Variants in ZNHIT6 observed in about 807,000 individuals in gnomAD.
ZNHIT6 encodes the protein zinc finger HIT-type containing 6.
In ZNHIT6, 45 loss-of-function variants were observed where a neutral mutation model predicts 57.2. The observed-to-expected ratio is 0.79, with a 90% CI of 0.62 to 1.01. The LOEUF (loss-of-function observed/expected upper bound fraction) is 1.01. Among genes scored for constraint, ZNHIT6 ranks in the 50% least tolerant of loss-of-function variants. The pLI is 0.00. For synonymous variants in ZNHIT6, 188 were observed against 190.0 expected (o/e 0.99, Z 0.09); for missense variants, 528 against 567.3 (o/e 0.93, Z 0.70).
At chr1:85,676,889 T>C (rs1017628171) in intron 8 of ZNHIT6, among the ~76,000 whole-genome samples, 2 of 152,234 alleles carry the variant, frequency 1.3e-5, no homozygotes, top group African/African-American at 2.4e-5. Context: ...CTGGTGCAGA[T>C]AGACTTGCTC....
intron 5 of ZNHIT6, among the ~76,000 whole-genome samples, chr1:85,692,314 A>G (rs1324364902): frequency 6.6e-6 from 1 of 152,194 alleles, no homozygotes; most frequent in East Asian, 1.9e-4. Context: ...ATTTCTATGA[A>G]TGCTGGCTAA....
intron 6 of ZNHIT6, 81 bp from the exon 7 acceptor site, chr1:85,678,862 A>G (rs1254476122): frequency 2.1e-5 from 16 of 770,276 alleles, no homozygotes; most frequent in Non-Finnish European, 1.4e-5. Context: ...ATTATTAAAT[A>G]TTGTGGCTTT....
chr1:85,707,605 T>G (rs1172246815), intron 1 of ZNHIT6, 24 bp downstream of exon 1: 1 of 1,528,460 alleles, frequency 6.5e-7, no homozygotes, highest in Non-Finnish European at 8.7e-7. Context: ...TTTATTCCCC[T>G]AAATGGAATC....
At chr1:85,657,683 C>G (rs1367191479) in intron 9 of ZNHIT6, among the ~76,000 whole-genome samples, 164 bp downstream of exon 9, 1 of 152,116 alleles carries the variant, frequency 6.6e-6, no homozygotes, top group African/African-American at 2.4e-5. Context: ...AGAAGAGTAG[C>G]AGCATTGCAT....
rs34953954 is a variant in ZNHIT6, at chr1:85,678,794, GA to G, written c.1089-14del. 1.5e-3 allele frequency: 1,985 copies of G among 1,346,158 alleles called. 18 individuals are homozygous for G. The African/African-American group carries it at 0.026, about 18-fold the overall frequency. The allele number at this position is 1,346,158 out of a possible 1,614,324, so 83.4% of individuals were successfully genotyped here. ...ATCATCTGGTACTCTTTACAACAAA[GA>G]AAAAAAAACAAGCTATATTAGTATT... On this transcript the variant is annotated splice_polypyrimidine_tract_variant and intron_variant, in intron 6 of 9. Transcript: ENST00000370574.
At chr1:85,704,240 T>A (rs1373207423) in intron 4 of ZNHIT6, among the ~76,000 whole-genome samples, 3 of 152,206 alleles carry the variant, frequency 2.0e-5, no homozygotes, top group African/African-American at 7.2e-5. Flanking sequence ...AAGATATGCA[T>A]ACCACACAAC....
chr1:85,657,380 C>T (rs1661088188), intron 9 of ZNHIT6, among the ~76,000 whole-genome samples: 1 of 147,920 alleles, frequency 6.8e-6, no homozygotes, highest in Non-Finnish European at 1.5e-5. Context: ...ATGTTCCTTG[C>T]AACATTTTCT....
intron 8 of ZNHIT6, among the ~76,000 whole-genome samples, chr1:85,662,167 A>C (rs1049642034): frequency 6.6e-6 from 1 of 151,322 alleles, no homozygotes; most frequent in Non-Finnish European, 1.5e-5. Context: ...AAAAAAAAAA[A>C]AAAACCTCCT....
At chr1:85,702,399 T>C (rs1274765562) in intron 4 of ZNHIT6, 139 bp from the exon 5 acceptor site, 4 of 604,326 alleles carry the variant, frequency 6.6e-6, no homozygotes, top group Admixed American at 3.2e-5. Flanking sequence ...TCTCATGTAA[T>C]CTTCACCATG....
At chr1:85,697,749 T>C (rs1662417808) in intron 5 of ZNHIT6, among the ~76,000 whole-genome samples, 1 of 152,184 alleles carries the variant, frequency 6.6e-6, no homozygotes, top group South Asian at 2.1e-4. Flanking sequence ...CAAAATCCCA[T>C]TGATATTCTG....
chr1:85,657,283 A>C (rs1253758558), intron 9 of ZNHIT6, among the ~76,000 whole-genome samples: 2 of 152,136 alleles, frequency 1.3e-5, no homozygotes, highest in African/African-American at 4.8e-5. Context: ...AATCAGAGAA[A>C]ATAAAACCAG....
At chr1:85,675,674 A>G (rs1016202855) in intron 8 of ZNHIT6, among the ~76,000 whole-genome samples, 10 of 152,136 alleles carry the variant, frequency 6.6e-5, no homozygotes, top group African/African-American at 2.4e-4. Context: ...CTCTCTAGCT[A>G]AGTCCTACAT....
chr1:85,707,990 G>C lies in ZNHIT6; in HGVS notation c.295C>G (p.Gln99Glu). ...EGRLAGQWVE[Q>E]EVEDRPEVKD... ...ACCTCAGGCCTATCCTCCACCTCCT[G>C]TTCTACCCACTGGCCAGCCAACCTG... Residue 99 changes from glutamine (Q) to glutamate (E), a missense_variant, in exon 1 of 10, where the codon CAG (glutamine) becomes GAG (glutamate). Transcript: ENST00000370574. The C allele has an allele frequency of 6.2e-7, 1 of 1,613,950 alleles. No homozygotes were observed. The highest frequency in any genetic ancestry group is 1.1e-5 in the South Asian group (1 of 91,066).
rs148152922 is a variant in ZNHIT6 at position 85,674,452 on chromosome 1, T to C, written c.1247+2784A>G. On this transcript the variant is annotated intron_variant, in intron 8 of 9. Transcript: ENST00000370574. ...CACCCAGCTAGGCTCAGGTTTAGTA[T>C]CAAATCAGTCTATTCTAGGTATTCC... 4.1e-3 allele frequency among the ~76,000 whole-genome samples: 625 copies of C among 152,278 alleles called. 7 individuals carry two copies. The highest frequency in any genetic ancestry group is 0.014 in the African/African-American group (601 of 41,552).
chr1:85,663,600 G>T (rs1661282888), intron 8 of ZNHIT6, among the ~76,000 whole-genome samples: 1 of 152,154 alleles, frequency 6.6e-6, no homozygotes, highest in Admixed American at 6.5e-5. Context: ...TGCACTTTAT[G>T]GGGGGAGGCA....
intron 5 of ZNHIT6, among the ~76,000 whole-genome samples, chr1:85,688,175 T>C (rs1662119295): frequency 6.6e-6 from 1 of 152,254 alleles, no homozygotes; most frequent in Admixed American, 6.5e-5. Flanking sequence ...GGCATGGTTC[T>C]AAATGTATGT....
rs182529938 is a variant in ZNHIT6, at chr1:85,687,766, G to A, written c.1020-6862C>T. Among the ~76,000 whole-genome samples, 155 of 152,256 alleles carry A rather than the reference G, an allele frequency of 1.0e-3. 1 individual carries two copies. Among genetic ancestry groups the A allele is most frequent in the African/African-American group, 3.6e-3 (151 of 41,548 alleles). On this transcript the variant is annotated intron_variant, in intron 5 of 9. Transcript: ENST00000370574. ...TTTTTAAACACAGGTGACTCCATGAGGTAAGCTAAAGCTAGACATTCCACA... is the reference window on the plus strand; with the variant it reads ...TTTTTAAACACAGGTGACTCCATGAAGTAAGCTAAAGCTAGACATTCCACA...
chr1:85,693,436 C>T (rs1662274014), intron 5 of ZNHIT6, among the ~76,000 whole-genome samples: 1 of 152,064 alleles, frequency 6.6e-6, no homozygotes, highest in Non-Finnish European at 1.5e-5. Flanking sequence ...ACAAACAGTG[C>T]ATAGACTAAA....
chr1:85,680,301 A>T (rs144356430), intron 6 of ZNHIT6, among the ~76,000 whole-genome samples: 1 of 152,368 alleles, frequency 6.6e-6, no homozygotes, highest in Non-Finnish European at 1.5e-5. Flanking sequence ...ATGAGTACAC[A>T]TATATACTTC....
Sources: allele counts gnomAD v4.1 joint callset (sites outside exome capture counted in the v4.1 genomes callset), GRCh38; gene constraint gnomAD v4.1.1; transcripts MANE v1.5; gene names NCBI Gene and HGNC (gene_info 2026-07-23, HGNC 2026-07-21).